The following DGKK variants were observed in gnomAD, a reference collection of about 807,000 sequenced individuals.
DGKK encodes diacylglycerol kinase kappa, also known as 142 kDa diacylglycerol kinase.
Under a neutral mutation model 92.2 loss-of-function variants are expected in DGKK, and 35 were observed. The ratio of observed to expected loss-of-function variants is 0.38; its 90% CI spans 0.29 to 0.50. DGKK has a LOEUF of 0.50. Ranked by LOEUF, DGKK falls within the 20% of genes least tolerant of loss-of-function variation. DGKK has a pLI of 0.92. For synonymous variants in DGKK, 368 were observed against 360.6 expected (o/e 1.02, Z -0.23); for missense variants, 910 against 992.2 (o/e 0.92, Z 1.11).
At chrX:50,420,295 T>A in intron 4 of DGKK, 108 bp downstream of exon 4, 2 of 653,974 alleles carry the variant, frequency 3.1e-6, no homozygotes, top group Non-Finnish European at 4.7e-6. Context: ...CCTAAACAGG[T>A]GGTCTCTGCT....
In DGKK at chrX:50,368,972, C is replaced by A. The variant is rs1557222788; in HGVS notation, c.3784G>T (p.Asp1262Tyr). ...TGAGATCTCGATGGTGTTAGAGGATCATCACCCTCTGCTTCATCTTCACGA... is the reference window on the plus strand; with the variant it reads ...TGAGATCTCGATGGTGTTAGAGGATAATCACCCTCTGCTTCATCTTCACGA... The part of the protein sequence containing the change: ...RHREDEAEGD[D>Y]PLTPSRSQL The change falls in exon 28 of 28, where the codon GAT becomes TAT. Residue 1262 changes from aspartate (D) to tyrosine (Y), a missense_variant. Coordinates refer to ENST00000611977, the MANE Select transcript of DGKK (RefSeq NM_001013742.4). 3 of 1,206,177 alleles carry A rather than the reference C, an allele frequency of 2.5e-6. No individual in the cohort carries two copies. The Admixed American group carries it at 6.6e-5, about 27-fold the overall frequency.
chrX:50,398,566 C>T (rs1353598047), intron 8 of DGKK, among the ~76,000 whole-genome samples: 1 of 111,749 alleles, frequency 8.9e-6, no homozygotes, highest in Non-Finnish European at 1.9e-5. Context: ...AGCCCAGGTG[C>T]TCCTAAGCAA....
Position 50,382,619 on chromosome X carries a change from G to T in DGKK, c.2550-16C>A. The T allele has an allele frequency of 8.8e-7, 1 of 1,141,733 alleles. No homozygotes were observed. Among genetic ancestry groups the T allele is most frequent in the African/African-American group, 1.8e-5 (1 of 56,420 alleles). The allele number at this position is 1,141,733 out of a possible 1,213,427, so 94.1% of individuals were successfully genotyped here. On this transcript the variant is annotated splice_polypyrimidine_tract_variant and intron_variant, in intron 17 of 27. Coordinates refer to ENST00000611977, the MANE Select transcript of DGKK (RefSeq NM_001013742.4). Reference sequence around the variant, plus strand: ...TTTGAAGCGTCTGAAATTATTCAAAGAAGAGGACAGACATTGGTGCAGGAA... The same window carrying T: ...TTTGAAGCGTCTGAAATTATTCAAATAAGAGGACAGACATTGGTGCAGGAA...
rs782288610 is a variant in DGKK, at chrX:50,431,653, G to A, written c.646-7295C>T. ...CCTGGAACATCTATTGTCTTTGCTT[G>A]GGTTAGAGTGCTGGGAAGAAAGCTG... On this transcript the variant is annotated intron_variant, in intron 1 of 27. Transcript: ENST00000611977. Among the ~76,000 whole-genome samples, 3 of 111,255 alleles carry A rather than the reference G, an allele frequency of 2.7e-5. No individual in the cohort carries two copies. In the South Asian group the frequency reaches 1.2e-3, roughly 43 times the overall value.
chrX:50,407,454 T>C (rs952705792), intron 4 of DGKK, among the ~76,000 whole-genome samples: 3 of 110,652 alleles, frequency 2.7e-5, no homozygotes, highest in African/African-American at 9.9e-5. Context: ...ACTCTTGTGG[T>C]TTTTCCTCAA....
intron 4 of DGKK, among the ~76,000 whole-genome samples, chrX:50,408,590 A>G (rs1270188593): frequency 9.1e-6 from 1 of 109,479 alleles, no homozygotes; most frequent in Non-Finnish European, 1.9e-5. Context: ...TCACCGTGTT[A>G]GCCAGGATGG....
chrX:50,397,748 T>G (rs1924891445), intron 8 of DGKK, among the ~76,000 whole-genome samples: 1 of 112,205 alleles, frequency 8.9e-6, no homozygotes, highest in East Asian at 2.8e-4. Context: ...ATTCAGTAAA[T>G]GTATTAAGGA....
rs1462185011 is a variant in DGKK, at chrX:50,391,014, C to G, written c.1844+423G>C. On this transcript the variant is annotated intron_variant, in intron 11 of 27. Coordinates refer to ENST00000611977, the MANE Select transcript of DGKK (RefSeq NM_001013742.4). ...AGAATATGCTTAAACAGATCATTGG[C>G]TCTGCAATTTGAAGAGGGTTCACTG... 8.1e-5 allele frequency among the ~76,000 whole-genome samples: 9 copies of G among 111,718 alleles called. No homozygotes were observed. In the Admixed American group the frequency reaches 8.5e-4, roughly 11 times the overall value.
In DGKK at chrX:50,455,065, A is replaced by T. The variant is rs1926577545; in HGVS notation, c.645+14969T>A. 2.7e-5 allele frequency among the ~76,000 whole-genome samples: 3 copies of T among 112,004 alleles called. No individual in the cohort carries two copies. In the South Asian group the frequency reaches 1.1e-3, roughly 42 times the overall value. On this transcript the variant is annotated intron_variant, in intron 1 of 27. Coordinates refer to ENST00000611977, the MANE Select transcript of DGKK (RefSeq NM_001013742.4). ...TGTTCTTTCCACAAACTGGGGACCT[A>T]CTAGGTCTTCAGTTCACACTTTCAA... is the stretch of plus-strand genomic sequence containing the variant.
At chrX:50,385,893 G>A (rs781867009) in intron 15 of DGKK, among the ~76,000 whole-genome samples, 2 of 112,161 alleles carry the variant, frequency 1.8e-5, no homozygotes, top group African/African-American at 6.5e-5. Context: ...ATTAATGCTA[G>A]AACTGTCAGG....
At chrX:50,390,751 G>A (rs988817270) in intron 11 of DGKK, among the ~76,000 whole-genome samples, 1 of 111,800 alleles carries the variant, frequency 8.9e-6, no homozygotes, top group African/African-American at 3.3e-5. Context: ...AATCTTTGTG[G>A]TGGGGTTCAG....
In DGKK at chrX:50,384,836, A is replaced by C; in HGVS notation, c.2348-12T>G. On this transcript the variant is annotated splice_polypyrimidine_tract_variant and intron_variant, in intron 15 of 27. Coordinates refer to ENST00000611977, the MANE Select transcript of DGKK (RefSeq NM_001013742.4). ...TTCCTCATCCAGAGCTATAGAGAAA[A>C]GTGGGAGGAAGGAAAGCAAAAAAGA... is the stretch of plus-strand genomic sequence containing the variant. 8.7e-7 allele frequency: 1 copy of C among 1,151,650 alleles called. No individual in the cohort carries two copies. Among genetic ancestry groups the C allele is most frequent in the Non-Finnish European group, 1.2e-6 (1 of 849,868 alleles). The allele number at this position is 1,151,650 out of a possible 1,213,427, so 94.9% of individuals were successfully genotyped here. A position where few individuals can be genotyped will look rare whatever the true frequency, so the allele number is the denominator to read the frequency against.
At chrX:50,399,935 G>C (rs73497565) in intron 8 of DGKK, among the ~76,000 whole-genome samples, 95 of 112,026 alleles carry the variant, frequency 8.5e-4, no homozygotes, top group African/African-American at 2.9e-3. Context: ...AATCATCCCT[G>C]TGGGGTCTGC....
intron 1 of DGKK, among the ~76,000 whole-genome samples, chrX:50,455,810 A>T (rs951768182): frequency 8.9e-6 from 1 of 112,130 alleles, no homozygotes; most frequent in African/African-American, 3.2e-5. Flanking sequence ...CCAATACTTC[A>T]ACCTCTAATT....
At chrX:50,415,390 C>T (rs1189778476) in intron 4 of DGKK, among the ~76,000 whole-genome samples, 1 of 111,984 alleles carries the variant, frequency 8.9e-6, no homozygotes, top group Non-Finnish European at 1.9e-5. Context: ...TCTCCCAAAA[C>T]TTTGGCAACA....
At chrX:50,404,849 T>A (rs1344535324) in intron 4 of DGKK, among the ~76,000 whole-genome samples, 1 of 111,234 alleles carries the variant, frequency 9.0e-6, no homozygotes, top group East Asian at 2.8e-4. Context: ...CTAGGGAATA[T>A]TATAATAAGG....
chrX:50,452,728 C>T (rs1283733847), intron 1 of DGKK, among the ~76,000 whole-genome samples: 5 of 112,259 alleles, frequency 4.5e-5, no homozygotes, highest in Admixed American at 3.8e-4. Flanking sequence ...ATTCATAAGG[C>T]TTTAAAATAC....
intron 23 of DGKK, among the ~76,000 whole-genome samples, chrX:50,376,433 AGAG>A (rs1924274103): frequency 8.9e-6 from 1 of 111,982 alleles, no homozygotes; most frequent in Non-Finnish European, 1.9e-5. Context: ...AGGCTAGAAC[AGAG>A]GAGGGCAGCT....
At chrX:50,377,367 T>C (rs903385103) in intron 22 of DGKK, among the ~76,000 whole-genome samples, 2 of 112,620 alleles carry the variant, frequency 1.8e-5, no homozygotes, top group Non-Finnish European at 1.9e-5. Flanking sequence ...GTGTGACCAT[T>C]AGCAAATTAT....
Sources: gnomAD v4.1 joint callset for allele counts (sites outside exome capture counted in the v4.1 genomes callset) on GRCh38, gnomAD v4.1.1 for gene constraint, MANE v1.5 for transcripts, NCBI Gene and HGNC (gene_info 2026-07-23, HGNC 2026-07-21) for gene names.